Variants in HRH1 observed in about 807,000 individuals in gnomAD.
HRH1 encodes the protein histamine H1 receptor.
HRH1 carries 6 observed loss-of-function variants against 10.3 expected under a neutral mutation model. That is an observed-to-expected ratio of 0.58 (90% confidence interval 0.32 to 1.15). The LOEUF is 1.15. Among genes scored for constraint, HRH1 ranks in the 50% most tolerant of loss-of-function variants. HRH1 has a pLI of 0.05. For synonymous variants in HRH1, 242 were observed against 236.7 expected, an observed-to-expected ratio of 1.02 and a Z score of -0.21; for missense variants, 514 against 615.3, an observed-to-expected ratio of 0.84 and a Z score of 1.74.
chr3:11,150,471 G>C (rs564001517), upstream of HRH1, among the ~76,000 whole-genome samples: 11 of 152,380 alleles, frequency 7.2e-5, no homozygotes, highest in East Asian at 2.1e-3. Context: ...GCGATGGGTG[G>C]GGAGCTGGAC....
At chr3:11,232,561 G>T (rs1482541345) in intron 1 of HRH1, among the ~76,000 whole-genome samples, 5 of 152,184 alleles carry the variant, frequency 3.3e-5, no homozygotes, top group Middle Eastern at 3.4e-3. Flanking sequence ...AAATTGGGTA[G>T]GTCGATTTCT....
intron 1 of HRH1, among the ~76,000 whole-genome samples, chr3:11,236,951 T>G (rs1939196908): frequency 1.3e-5 from 2 of 152,218 alleles, no homozygotes; most frequent in South Asian, 4.1e-4. Flanking sequence ...TCCTGCCAGC[T>G]CTTTTATTTA....
intron 1 of HRH1, among the ~76,000 whole-genome samples, chr3:11,174,674 T>TA (rs1236562866): frequency 2.0e-5 from 3 of 152,174 alleles, no homozygotes; most frequent in Non-Finnish European, 4.4e-5. Context: ...TGTTTAGAGT[T>TA]AGGTCCATGG....
chr3:11,137,564 G>A (rs1245047096), intron 1 of HRH1, among the ~76,000 whole-genome samples: 2 of 152,054 alleles, frequency 1.3e-5, no homozygotes, highest in East Asian at 3.9e-4. Flanking sequence ...ACTGTGGGCT[G>A]TGGTGACTGA....
At chr3:11,176,099 G>A (rs186509023) in intron 1 of HRH1, among the ~76,000 whole-genome samples, 68 of 151,574 alleles carry the variant, frequency 4.5e-4, no homozygotes, top group Admixed American at 9.2e-4. Context: ...CTTGGGCCCC[G>A]GGAGGTTGAG....
intron 1 of HRH1, among the ~76,000 whole-genome samples, chr3:11,221,445 C>T (rs1938707735): frequency 6.6e-6 from 1 of 151,702 alleles, no homozygotes; most frequent in Non-Finnish European, 1.5e-5. Flanking sequence ...ATCCCAGCTA[C>T]TTGGGAGGCT....
At chr3:11,188,431 A>C (rs1187910155) in intron 1 of HRH1, among the ~76,000 whole-genome samples, 1 of 152,122 alleles carries the variant, frequency 6.6e-6, no homozygotes, top group Admixed American at 6.6e-5. Flanking sequence ...GCACAACCCC[A>C]GGCATGGTGG....
At chr3:11,210,043 C>T (rs761564335) in intron 1 of HRH1, among the ~76,000 whole-genome samples, 9 of 152,144 alleles carry the variant, frequency 5.9e-5, no homozygotes, top group Non-Finnish European at 1.2e-4. Flanking sequence ...GTTTGAATTC[C>T]GCCTCTTCCC....
intron 1 of HRH1, among the ~76,000 whole-genome samples, chr3:11,249,419 AAAAAAG>A (rs1251641192): frequency 1.3e-5 from 2 of 151,302 alleles, no homozygotes; most frequent in Non-Finnish European, 2.9e-5. Flanking sequence ...AAAAAAAAAA[AAAAAAG>A]AGGATTTAGG....
chr3:11,254,612 G>A (rs1262389183), intron 1 of HRH1, among the ~76,000 whole-genome samples: 1 of 152,108 alleles, frequency 6.6e-6, no homozygotes, highest in Non-Finnish European at 1.5e-5. Context: ...GGTGGGTCTC[G>A]ATCCCTTACC....
chr3:11,241,075 GT>G (rs981139515), intron 1 of HRH1, among the ~76,000 whole-genome samples: 2 of 151,992 alleles, frequency 1.3e-5, no homozygotes, highest in African/African-American at 4.8e-5. Context: ...TCTATATTTT[GT>G]TTTTTTCAAA....
chr3:11,181,778 C>T (rs1257698021), intron 1 of HRH1, among the ~76,000 whole-genome samples: 2 of 151,936 alleles, frequency 1.3e-5, no homozygotes, highest in African/African-American at 4.8e-5. Flanking sequence ...ACTACAGGCG[C>T]CCGCCACTGC....
At position 11,259,645 on chromosome 3, in the gene HRH1, C is replaced by A; in HGVS notation, c.608C>A (p.Thr203Asn). 2 of 1,614,110 alleles carry A rather than the reference C, an allele frequency of 1.2e-6. No individual in the cohort carries two copies. The highest frequency in any genetic ancestry group is 1.7e-6 in the Non-Finnish European group (2 of 1,180,020). The stretch of plus-strand genomic sequence containing the variant: ...GCCATCATCAACTTCTACCTGCCCA[C>A]CTTGCTCATGCTCTGGTTCTATGCC... ...MTAIINFYLPTLLMLWFYAKI... is the reference protein window; with the variant it reads ...MTAIINFYLPNLLMLWFYAKI... The change falls in exon 2 of 2, where the codon ACC becomes AAC. Residue 203 changes from threonine to asparagine, a missense_variant. Thr to Asn is a moderately conservative substitution (Grantham distance 65, BLOSUM62 0). Transcript: ENST00000431010. This position sits in a 1 kb window ranked among gnomAD's most constrained non-coding sequence, Gnocchi z 4.6.
intron 1 of HRH1, among the ~76,000 whole-genome samples, chr3:11,213,211 A>G (rs138368999): frequency 9.1e-4 from 138 of 152,300 alleles, no homozygotes; most frequent in African/African-American, 3.1e-3. Flanking sequence ...TGACTTGATT[A>G]CTGTTATTTT....
At chr3:11,141,610 C>G (rs1174372341) in intron 1 of HRH1, among the ~76,000 whole-genome samples, 1 of 152,176 alleles carries the variant, frequency 6.6e-6, no homozygotes, top group Non-Finnish European at 1.5e-5. Context: ...CTCCACAGAG[C>G]TTCTTGAGTG....
At chr3:11,164,560 C>T (rs752830217) in intron 1 of HRH1, among the ~76,000 whole-genome samples, 19 of 147,316 alleles carry the variant, frequency 1.3e-4, no homozygotes, top group Non-Finnish European at 2.2e-4. Flanking sequence ...AAATCTTGCA[C>T]ACAAAGATAT....
At chr3:11,224,206 C>A (rs976542340) in intron 1 of HRH1, among the ~76,000 whole-genome samples, 11 of 152,180 alleles carry the variant, frequency 7.2e-5, no homozygotes, top group African/African-American at 2.4e-4. Flanking sequence ...AAGACGTGGC[C>A]TCTGCTCCCA....
chr3:11,229,515 G>T (rs1024604303), intron 1 of HRH1, among the ~76,000 whole-genome samples: 1 of 152,184 alleles, frequency 6.6e-6, no homozygotes, highest in East Asian at 1.9e-4. Flanking sequence ...ATGGTACAGA[G>T]ATGTACCATT....
intron 1 of HRH1, among the ~76,000 whole-genome samples, chr3:11,201,916 C>T (rs1235669395): frequency 6.6e-6 from 1 of 152,214 alleles, no homozygotes; most frequent in East Asian, 1.9e-4. Context: ...GTTGGGCAGT[C>T]TCTTGTTTTG....
Sources: allele counts gnomAD v4.1 joint callset (sites outside exome capture counted in the v4.1 genomes callset), GRCh38; gene constraint gnomAD v4.1.1; non-coding constraint Gnocchi (gnomAD v3.1); transcripts MANE v1.5; gene names NCBI Gene and HGNC (gene_info 2026-07-23, HGNC 2026-07-21).